RAD51B: variants seen among roughly 807,000 people sequenced by gnomAD.
RAD51B encodes the protein DNA repair protein RAD51 homolog 2.
RAD51B carries 38 observed loss-of-function variants against 42.2 expected under a neutral mutation model. The ratio of observed to expected loss-of-function variants is 0.90; its 90% CI spans 0.70 to 1.18. RAD51B has a LOEUF of 1.18. Among genes scored for constraint, RAD51B ranks in the 50% most tolerant of loss-of-function variants. RAD51B has a pLI of 0.00. For missense variants in RAD51B, 373 were observed against 400.7 expected (o/e 0.93, Z 0.59); for synonymous variants, 154 against 145.2 (o/e 1.06, Z -0.43).
intron 7 of RAD51B, among the ~76,000 whole-genome samples, chr14:67,888,351 T>G (rs939994270): frequency 3.9e-5 from 6 of 152,158 alleles, no homozygotes; most frequent in Non-Finnish European, 8.8e-5. Context: ...AGATACTTGA[T>G]TGAATAGAAA....
At chr14:68,200,467 G>A (rs747699206) in intron 7 of RAD51B, among the ~76,000 whole-genome samples, 65 of 152,122 alleles carry the variant, frequency 4.3e-4, no homozygotes, top group Non-Finnish European at 8.4e-4. Flanking sequence ...TTTTACTATG[G>A]AAAATTCTTG....
rs150144722 is a variant in RAD51B, at chr14:67,901,834, A to G, written c.756+14630A>G. ...AGACACAAAAAGACAAATACCACATATAAGTGGGAGTGAAATAATGTGTAC... is the reference window on the plus strand; with the variant it reads ...AGACACAAAAAGACAAATACCACATGTAAGTGGGAGTGAAATAATGTGTAC... On this transcript the variant is annotated intron_variant, in intron 7 of 10. Coordinates refer to ENST00000471583, the MANE Select transcript of RAD51B (RefSeq NM_133510.4). Among the ~76,000 whole-genome samples, 768 of 152,294 alleles carry G rather than the reference A, an allele frequency of 5.0e-3. 3 individuals are homozygous for G. Among genetic ancestry groups the G allele is most frequent in the Middle Eastern group, 0.037 (11 of 294 alleles).
At chr14:67,950,116 A>G (rs1366912500) in intron 7 of RAD51B, among the ~76,000 whole-genome samples, 1 of 152,134 alleles carries the variant, frequency 6.6e-6, no homozygotes, top group Non-Finnish European at 1.5e-5. Context: ...TGCCAACTGC[A>G]TTAGCCTCTA....
intron 7 of RAD51B, among the ~76,000 whole-genome samples, chr14:68,009,727 T>C (rs2075652838): frequency 6.6e-6 from 1 of 151,948 alleles, no homozygotes; most frequent in Admixed American, 6.6e-5. Flanking sequence ...TAGCACCCTT[T>C]AGTTTTCTCT....
At chr14:68,202,262 G>A (rs1683638430) in intron 7 of RAD51B, among the ~76,000 whole-genome samples, 1 of 152,176 alleles carries the variant, frequency 6.6e-6, no homozygotes, top group African/African-American at 2.4e-5. Flanking sequence ...CACGGTGGTG[G>A]TTACTGAAGG....
At chr14:68,220,902 G>T (rs926999040) in intron 7 of RAD51B, among the ~76,000 whole-genome samples, 1 of 152,146 alleles carries the variant, frequency 6.6e-6, no homozygotes, top group Admixed American at 6.5e-5. Flanking sequence ...GGAGGCCGAG[G>T]CAGGCAGATC....
At position 68,102,410 on chromosome 14, in the gene RAD51B, A is replaced by G. The variant is rs538637322; in HGVS notation, c.757-189474A>G. ...TAAACATAGATTCCAATGCCAAACC[A>G]TCTCTCTCAAGTTCAGGGTTCCCCA... On this transcript the variant is annotated intron_variant, in intron 7 of 10. Transcript: ENST00000471583. Among the ~76,000 whole-genome samples, 5 of 152,282 alleles carry G rather than the reference A, an allele frequency of 3.3e-5. No individual in the cohort carries two copies. The South Asian group carries it at 1.0e-3, about 32-fold the overall frequency.
chr14:67,898,227 A>T (rs1227241039), intron 7 of RAD51B, among the ~76,000 whole-genome samples: 1 of 152,244 alleles, frequency 6.6e-6, no homozygotes, highest in Non-Finnish European at 1.5e-5. Flanking sequence ...ACACACAATG[A>T]TATATTATTT....
chr14:68,511,657 T>C (rs1594929270), intron 10 of RAD51B, among the ~76,000 whole-genome samples: 1 of 152,316 alleles, frequency 6.6e-6, no homozygotes, highest in East Asian at 1.9e-4. Flanking sequence ...TAAGAACTAG[T>C]CTACAATAAA....
At chr14:68,359,161 G>T (rs2082968368) in intron 8 of RAD51B, among the ~76,000 whole-genome samples, 1 of 152,004 alleles carries the variant, frequency 6.6e-6, no homozygotes, top group Non-Finnish European at 1.5e-5. Context: ...AAAACCACGG[G>T]GGAGGAAAGA....
intron 5 of RAD51B, among the ~76,000 whole-genome samples, chr14:67,867,478 A>G (rs2042366400): frequency 6.6e-6 from 1 of 152,190 alleles, no homozygotes; most frequent in African/African-American, 2.4e-5. Context: ...AGGGCCAGCT[A>G]TATCTTTTAT....
chr14:68,393,565 G>T (rs76764799), intron 8 of RAD51B, among the ~76,000 whole-genome samples: 8 of 152,192 alleles, frequency 5.3e-5, no homozygotes, highest in Non-Finnish European at 1.2e-4. Flanking sequence ...AATCTAAAGC[G>T]CCTGGGGAGC....
chr14:68,660,679 G>A (rs1033858140), intron 11 of RAD51B, among the ~76,000 whole-genome samples: 1 of 152,206 alleles, frequency 6.6e-6, no homozygotes, highest in African/African-American at 2.4e-5. Flanking sequence ...CACAGGAAAT[G>A]AGACCAGTCC....
intron 7 of RAD51B, among the ~76,000 whole-genome samples, chr14:68,133,153 G>A (rs556672464): frequency 6.6e-6 from 1 of 152,272 alleles, no homozygotes; most frequent in Non-Finnish European, 1.5e-5. Context: ...ATCTTATGTT[G>A]GTGGGAATTT....
chr14:68,650,976 T>C, intron 11 of RAD51B: 1 of 594,354 alleles, frequency 1.7e-6, no homozygotes, highest in Non-Finnish European at 3.0e-6. Context: ...TATGAAGAGA[T>C]ACAAATGGCC....
downstream of RAD51B, among the ~76,000 whole-genome samples, chr14:68,599,034 G>A (rs1354483865): frequency 6.6e-6 from 1 of 152,180 alleles, no homozygotes; most frequent in African/African-American, 2.4e-5. Context: ...CTTTGGAAAG[G>A]AAAACACGGC....
chr14:68,370,233 A>T (rs1342316684), intron 8 of RAD51B, among the ~76,000 whole-genome samples: 1 of 152,254 alleles, frequency 6.6e-6, no homozygotes, highest in Non-Finnish European at 1.5e-5. Flanking sequence ...GTCTGTAATC[A>T]CATATAGCCA....
At chr14:68,395,262 C>T (rs1183811608) in intron 8 of RAD51B, among the ~76,000 whole-genome samples, 2 of 152,114 alleles carry the variant, frequency 1.3e-5, no homozygotes, top group African/African-American at 2.4e-5. Context: ...TAAGATTTGC[C>T]CTTCCTCCAT....
chr14:68,116,229 G>T lies in RAD51B; in HGVS notation c.757-175655G>T, dbSNP rs569794709. Among the ~76,000 whole-genome samples the T allele has an allele frequency of 3.3e-5, 5 of 151,674 alleles. 1 individual carries two copies. In the South Asian group the frequency reaches 1.0e-3, roughly 32 times the overall value. On this transcript the variant is annotated intron_variant, in intron 7 of 10. Coordinates refer to ENST00000471583, the MANE Select transcript of RAD51B (RefSeq NM_133510.4). ...TGCAGTCAGTGGTATGTGAATTTTA[G>T]GGTTTTATTAGGGAACTGCAAGACT... is the stretch of plus-strand genomic sequence containing the variant.
Sources: gnomAD v4.1 joint callset for allele counts (sites outside exome capture counted in the v4.1 genomes callset) on GRCh38, gnomAD v4.1.1 for gene constraint, MANE v1.5 for transcripts, NCBI Gene and HGNC (gene_info 2026-07-23, HGNC 2026-07-21) for gene names.